The following HPSE2 variants were observed in gnomAD, a reference collection of about 807,000 sequenced individuals.
HPSE2 encodes heparanase 2 (inactive), also known as inactive heparanase-2.
Under a neutral mutation model 60.5 loss-of-function variants are expected in HPSE2, and 38 were observed. That is an observed-to-expected ratio of 0.63 (90% CI 0.48 to 0.82). The LOEUF (loss-of-function observed/expected upper bound fraction) is 0.82, where lower values mean the gene tolerates loss of function less well. Ranked by LOEUF, HPSE2 falls within the 40% of genes least tolerant of loss-of-function variation. HPSE2 has a pLI of 0.00. For missense variants in HPSE2, 713 were observed against 740.4 expected, an observed-to-expected ratio of 0.96 and a Z score of 0.43; for synonymous variants, 295 against 293.2, an observed-to-expected ratio of 1.01 and a Z score of -0.06.
At position 99,094,540 on chromosome 10, in the gene HPSE2, A is replaced by ATTTTT. The variant is rs531721304; in HGVS notation, c.610+49693_610+49697dup. Among the ~76,000 whole-genome samples, 7 of 26,612 alleles carry ATTTTT rather than the reference A, an allele frequency of 2.6e-4. 2 individuals are homozygous for ATTTTT. The highest frequency in any genetic ancestry group is 6.8e-4 in the African/African-American group (4 of 5,856). 17.5% of individuals were successfully genotyped at this position (26,612 alleles called of 152,430 possible). A position where few individuals can be genotyped will look rare whatever the true frequency, so the allele number is the denominator to read the frequency against. ...CATATATATATATATATATATATAT[A>ATTTTT]TTTTTTTTTTTTTTTTTTTTTTTTT... On this transcript the variant is annotated intron_variant, in intron 3 of 11. Coordinates refer to ENST00000370552, the MANE Select transcript of HPSE2 (RefSeq NM_021828.5).
At chr10:99,141,759 G>A (rs1845874341) in intron 3 of HPSE2, among the ~76,000 whole-genome samples, 1 of 152,204 alleles carries the variant, frequency 6.6e-6, no homozygotes, top group Admixed American at 6.5e-5. Context: ...ACAGCTGACA[G>A]TCACATCAGG....
intron 3 of HPSE2, among the ~76,000 whole-genome samples, chr10:99,131,074 T>C (rs1845364906): frequency 6.6e-6 from 1 of 151,956 alleles, no homozygotes; most frequent in African/African-American, 2.4e-5. Context: ...ATAAACAGAA[T>C]TAAAAACAAA....
At chr10:98,829,563 T>C (rs1338197202) in intron 3 of HPSE2, among the ~76,000 whole-genome samples, 1 of 151,956 alleles carries the variant, frequency 6.6e-6, no homozygotes, top group Non-Finnish European at 1.5e-5. Context: ...TGGAGATAGA[T>C]GATGGTAATG....
intron 9 of HPSE2, among the ~76,000 whole-genome samples, chr10:98,540,642 TC>T (rs1332292326): frequency 6.6e-6 from 1 of 152,186 alleles, no homozygotes; most frequent in Admixed American, 6.5e-5. Flanking sequence ...AAACATAAAC[TC>T]CTTCAAAAGT....
At chr10:98,476,925 T>C (rs12265225) in intron 11 of HPSE2, among the ~76,000 whole-genome samples, 66,408 of 152,070 alleles carry the variant, frequency 0.44, 16,083 homozygotes, top group African/African-American at 0.67. Context: ...AAGGAGCCTA[T>C]GATGAAATGA....
At chr10:98,861,157 T>C (rs1451404772) in intron 3 of HPSE2, among the ~76,000 whole-genome samples, 1 of 152,198 alleles carries the variant, frequency 6.6e-6, no homozygotes, top group African/African-American at 2.4e-5. Context: ...AAGTGAGTCA[T>C]AACCAAGACA....
intron 7 of HPSE2, among the ~76,000 whole-genome samples, chr10:98,632,708 T>C (rs935278829): frequency 3.3e-5 from 5 of 152,158 alleles, no homozygotes; most frequent in Non-Finnish European, 7.3e-5. Context: ...CATCTAACAA[T>C]ATCCTAAGAA....
chr10:98,692,841 G>A (rs2785232), intron 6 of HPSE2, among the ~76,000 whole-genome samples: 53,604 of 151,924 alleles, frequency 0.35, 9,656 homozygotes, highest in Admixed American at 0.41. Context: ...GTTTTTTAGG[G>A]AACTTAGTAT....
chr10:98,873,097 T>C (rs1952778406), intron 3 of HPSE2, among the ~76,000 whole-genome samples: 1 of 152,062 alleles, frequency 6.6e-6, no homozygotes, highest in African/African-American at 2.4e-5. Context: ...TGCTGGAGTT[T>C]TGTTTCCCAA....
At chr10:98,586,725 T>C (rs75140565) in intron 9 of HPSE2, among the ~76,000 whole-genome samples, 8,658 of 152,242 alleles carry the variant, frequency 0.057, 302 homozygotes, top group Middle Eastern at 0.13. Context: ...ATCAGAATAA[T>C]GAAAAGGAAA....
At chr10:99,003,282 T>G (rs546191920) in intron 3 of HPSE2, among the ~76,000 whole-genome samples, 3 of 152,102 alleles carry the variant, frequency 2.0e-5, no homozygotes, top group African/African-American at 7.2e-5. Flanking sequence ...ATTCCATATA[T>G]GGCTATTATG....
At chr10:98,545,675 T>G (rs1298371348) in intron 9 of HPSE2, among the ~76,000 whole-genome samples, 1 of 152,152 alleles carries the variant, frequency 6.6e-6, no homozygotes, top group Admixed American at 6.5e-5. Context: ...GAGCTATCTA[T>G]GACAAACCCA....
intron 3 of HPSE2, among the ~76,000 whole-genome samples, chr10:98,756,537 T>C (rs1949882853): frequency 6.6e-6 from 1 of 151,970 alleles, no homozygotes; most frequent in African/African-American, 2.4e-5. Flanking sequence ...TCAGAGACTG[T>C]TATGAACACC....
chr10:98,933,314 C>T (rs12570904), intron 3 of HPSE2, among the ~76,000 whole-genome samples: 4,501 of 144,134 alleles, frequency 0.031, 727 homozygotes, highest in East Asian at 0.17. Context: ...TTTGACTGCA[C>T]TGTGGTCTGA....
intron 2 of HPSE2, among the ~76,000 whole-genome samples, chr10:99,148,562 G>A (rs143050767): frequency 3.5e-4 from 53 of 152,178 alleles, no homozygotes; most frequent in African/African-American, 1.2e-3. Flanking sequence ...AGCCCAAGGT[G>A]GGCGCATCAC....
At chr10:98,727,860 G>GA (rs1201114859) in intron 4 of HPSE2, among the ~76,000 whole-genome samples, 5 of 151,956 alleles carry the variant, frequency 3.3e-5, no homozygotes, top group African/African-American at 1.2e-4. Flanking sequence ...GTTTTTATCA[G>GA]AAAAAAATGG....
At position 98,750,815 on chromosome 10, in the gene HPSE2, T is replaced by C. The variant is rs536813629; in HGVS notation, c.611-6759A>G. Among the ~76,000 whole-genome samples the C allele has an allele frequency of 1.2e-4, 18 of 152,264 alleles. No individual in the cohort carries two copies. In the South Asian group the frequency reaches 3.1e-3, roughly 26 times the overall value. ...TAAGTTTGTAATGTCCTTAGATGTA[T>C]AGGTAAATAATTTGAGTGGGCAGAA... On this transcript the variant is annotated intron_variant, in intron 3 of 11. Coordinates refer to ENST00000370552, the MANE Select transcript of HPSE2 (RefSeq NM_021828.5).
intron 5 of HPSE2, among the ~76,000 whole-genome samples, chr10:98,714,181 T>C (rs1948739539): frequency 6.6e-6 from 1 of 151,918 alleles, no homozygotes; most frequent in African/African-American, 2.4e-5. Context: ...ATCTTCTAAA[T>C]ATTTTATTAG....
intron 3 of HPSE2, among the ~76,000 whole-genome samples, chr10:98,997,271 C>A (rs1240520289): frequency 6.6e-6 from 1 of 151,900 alleles, no homozygotes; most frequent in Non-Finnish European, 1.5e-5. Flanking sequence ...TGCCACCATG[C>A]CCGGCTAATT....
Sources: allele counts gnomAD v4.1 joint callset (sites outside exome capture counted in the v4.1 genomes callset), GRCh38; gene constraint gnomAD v4.1.1; transcripts MANE v1.5; gene names NCBI Gene and HGNC (gene_info 2026-07-23, HGNC 2026-07-21).